KCNJ10: variants seen among roughly 807,000 people sequenced by gnomAD.
KCNJ10 encodes potassium inwardly rectifying channel subfamily J member 10, also known as ATP-sensitive inward rectifier potassium channel 10.
Under a neutral mutation model 22.2 loss-of-function variants are expected in KCNJ10, and 9 were observed. That is an observed-to-expected ratio of 0.40 (90% CI 0.24 to 0.71). KCNJ10 has a LOEUF of 0.71. Among genes scored for constraint, KCNJ10 ranks in the 30% least tolerant of loss-of-function variants. The probability of loss-of-function intolerance (pLI) is 0.35; values close to 1 mark genes in which losing one functional copy is unlikely to be tolerated. For synonymous variants in KCNJ10, 184 were observed against 187.3 expected (o/e 0.98, Z 0.15); for missense variants, 337 against 482.7 (o/e 0.70, Z 2.83).
At chr1:160,052,846 C>T (rs1648935486) in intron 1 of KCNJ10, among the ~76,000 whole-genome samples, 2 of 152,174 alleles carry the variant, frequency 1.3e-5, no homozygotes, top group Admixed American at 1.3e-4. Flanking sequence ...ACTAGTATGT[C>T]AGGAGGCACT....
At position 160,040,772 on chromosome 1, in the gene KCNJ10, T is replaced by C. The variant is rs1471577586; in HGVS notation, c.*621A>G. 3 of 398,674 alleles carry C rather than the reference T, an allele frequency of 7.5e-6. No homozygotes were observed. The highest frequency in any genetic ancestry group is 1.3e-5 in the Non-Finnish European group (3 of 226,044). The allele number at this position is 398,674 out of a possible 1,614,324, so 24.7% of individuals were successfully genotyped here. ...AACTGGGTATCCTGAGAGTGTTCAC[T>C]TGAGAAACTACAGAGGGAAAACAGT... On this transcript the variant is annotated 3_prime_UTR_variant, in exon 2 of 2. Coordinates refer to ENST00000644903, the MANE Select transcript of KCNJ10 (RefSeq NM_002241.5).
At chr1:160,043,074 G>A (rs983188770) in intron 1 of KCNJ10, among the ~76,000 whole-genome samples, 8 of 152,072 alleles carry the variant, frequency 5.3e-5, no homozygotes, top group African/African-American at 1.7e-4. Context: ...GTAATTCTTA[G>A]CGGAAGAGAG....
At position 160,041,344 on chromosome 1, in the gene KCNJ10, T is replaced by C. The variant is rs1054054995; in HGVS notation, c.*49A>G. On this transcript the variant is annotated 3_prime_UTR_variant, in exon 2 of 2. Transcript: ENST00000644903. This position sits in a 1 kb window ranked among gnomAD's most constrained non-coding sequence, Gnocchi z 4.4. ...CGGGTAGTATTCCTTACCAGGGCAT[T>C]GGAAGAGAGGAAAAGAGACCAGAGG... is the stretch of plus-strand genomic sequence containing the variant. The C allele has an allele frequency of 1.3e-6, 2 of 1,568,742 alleles. No homozygotes were observed. The highest frequency in any genetic ancestry group is 2.7e-5 in the African/African-American group (2 of 73,960).
intron 1 of KCNJ10, among the ~76,000 whole-genome samples, chr1:160,059,167 G>A (rs910077008): frequency 2.0e-5 from 3 of 152,200 alleles, no homozygotes; most frequent in African/African-American, 7.2e-5. Context: ...CTGCTCGTAA[G>A]GGGTGCACTG....
Position 160,038,723 on chromosome 1 carries a change from A to G in KCNJ10, c.*2670T>C, listed in dbSNP as rs1477987040. ...TTCTTTCTTCTTAGATAAACCTTTCATATATGTCATATCCTAATTTCCCAA... is the reference window on the plus strand; with the variant it reads ...TTCTTTCTTCTTAGATAAACCTTTCGTATATGTCATATCCTAATTTCCCAA... On this transcript the variant is annotated 3_prime_UTR_variant, in exon 2 of 2. Transcript: ENST00000644903. 1 of 152,056 alleles carries G rather than the reference A, an allele frequency of 6.6e-6. No homozygotes were observed. Among genetic ancestry groups the G allele is most frequent in the Admixed American group, 6.6e-5 (1 of 15,260 alleles). 9.4% of individuals were successfully genotyped at this position (152,056 alleles called of 1,614,324 possible). A position where few individuals can be genotyped will look rare whatever the true frequency, so the allele number is the denominator to read the frequency against.
At chr1:160,063,857 T>C (rs1649256680) in intron 1 of KCNJ10, among the ~76,000 whole-genome samples, 1 of 152,248 alleles carries the variant, frequency 6.6e-6, no homozygotes, top group South Asian at 2.1e-4. Context: ...CGGAATTTAA[T>C]GAGAGCTCAC....
At chr1:160,052,659 A>G (rs888407061) in intron 1 of KCNJ10, among the ~76,000 whole-genome samples, 1 of 152,216 alleles carries the variant, frequency 6.6e-6, no homozygotes, top group African/African-American at 2.4e-5. Context: ...ACTAAGAGAC[A>G]GCACTGCTTG....
At chr1:160,060,070 T>G (rs1473174896) in intron 1 of KCNJ10, among the ~76,000 whole-genome samples, 3 of 152,156 alleles carry the variant, frequency 2.0e-5, no homozygotes, top group African/African-American at 7.2e-5. Flanking sequence ...GTTCCCTGCA[T>G]GAAGAGCAGC....
At position 160,042,541 on chromosome 1, in the gene KCNJ10, A is replaced by T. The variant is rs1162354490; in HGVS notation, c.1-9T>A. 1 of 1,612,980 alleles carries T rather than the reference A, an allele frequency of 6.2e-7. No individual in the cohort carries two copies. Among genetic ancestry groups the T allele is most frequent in the Admixed American group, 1.7e-5 (1 of 60,008 alleles). On this transcript the variant is annotated splice_polypyrimidine_tract_variant and intron_variant, in intron 1 of 1. Transcript: ENST00000644903. ...TTGGCAACTGACGTCATCTGGAGGG[A>T]GCAAGACAGCATAATGGAGGTTATC...
chr1:160,065,780 G>A (rs1247016539), intron 1 of KCNJ10, among the ~76,000 whole-genome samples: 1 of 152,182 alleles, frequency 6.6e-6, no homozygotes, highest in African/African-American at 2.4e-5. Flanking sequence ...GCCAACAGAT[G>A]TGTCTGGGTA....
rs764007692 is a variant in KCNJ10, at chr1:160,045,334, A to G, written c.1-2802T>C. ...AAACTATAGAATGCTATGGCCATCA[A>G]TTGTGTGCCTGACAGAAAGCTGGGA... is the stretch of plus-strand genomic sequence containing the variant. On this transcript the variant is annotated intron_variant, in intron 1 of 1. Transcript: ENST00000644903. Among the ~76,000 whole-genome samples the G allele has an allele frequency of 3.3e-5, 5 of 152,322 alleles. No homozygotes were observed. The East Asian group carries it at 5.8e-4, about 18-fold the overall frequency.
intron 1 of KCNJ10, among the ~76,000 whole-genome samples, chr1:160,064,584 A>G (rs1452955377): frequency 6.6e-6 from 1 of 152,270 alleles, no homozygotes; most frequent in African/African-American, 2.4e-5. Flanking sequence ...GTTCATAGAT[A>G]GAACCCACAC....
chr1:160,058,042 C>T (rs983883084), intron 1 of KCNJ10, among the ~76,000 whole-genome samples: 28 of 152,182 alleles, frequency 1.8e-4, no homozygotes, highest in Admixed American at 1.8e-3. Flanking sequence ...TCCCCATCTT[C>T]CCAAACAGAG....
Position 160,041,481 on chromosome 1 carries a change from T to A in KCNJ10, c.1052A>T (p.Asp351Val). The change falls in exon 2 of 2, where the codon GAC becomes GTC. Residue 351 changes from aspartate (D) to valine (V), a missense_variant. Asp to Val is a radical substitution (Grantham distance 152, BLOSUM62 -3). Transcript: ENST00000644903. This position sits in a 1 kb window ranked among gnomAD's most constrained non-coding sequence, Gnocchi z 4.4. ...GLRDSTVRYG[D>V]PEKLKLEESL... ...CTCCTCCAACTTGAGCTTTTCAGGG[T>A]CTCCGTAGCGTACAGTGCTGTCACG... 1 of 1,614,098 alleles carries A rather than the reference T, an allele frequency of 6.2e-7. No homozygotes were observed. Among genetic ancestry groups the A allele is most frequent in the Non-Finnish European group, 8.5e-7 (1 of 1,179,992 alleles).
At chr1:160,064,336 G>A (rs906539922) in intron 1 of KCNJ10, among the ~76,000 whole-genome samples, 5 of 152,146 alleles carry the variant, frequency 3.3e-5, no homozygotes, top group Admixed American at 1.3e-4. Flanking sequence ...TTTCCAGAAG[G>A]TACATGACCT....
intron 1 of KCNJ10, among the ~76,000 whole-genome samples, chr1:160,045,857 AC>A (rs1648731359): frequency 6.6e-6 from 1 of 152,240 alleles, no homozygotes; most frequent in African/African-American, 2.4e-5. Flanking sequence ...AAAGGCTTGG[AC>A]TTGTCCTTTG....
At chr1:160,046,123 T>A (rs1385778183) in intron 1 of KCNJ10, among the ~76,000 whole-genome samples, 1 of 152,202 alleles carries the variant, frequency 6.6e-6, no homozygotes, top group Non-Finnish European at 1.5e-5. Context: ...CATTCAGGGA[T>A]CCTTTACTGA....
intron 1 of KCNJ10, among the ~76,000 whole-genome samples, chr1:160,063,826 G>A (rs951758851): frequency 6.6e-6 from 1 of 152,260 alleles, no homozygotes; most frequent in African/African-American, 2.4e-5. Context: ...ACAATGCGCA[G>A]TGGATTCAGG....
chr1:160,065,762 T>A (rs753417247), intron 1 of KCNJ10, among the ~76,000 whole-genome samples: 5 of 152,184 alleles, frequency 3.3e-5, no homozygotes, highest in Non-Finnish European at 7.3e-5. Flanking sequence ...GGGAAATTTT[T>A]ATCCAATGCC....
Sources: gnomAD v4.1 joint callset for allele counts (sites outside exome capture counted in the v4.1 genomes callset) on GRCh38, gnomAD v4.1.1 for gene constraint, Gnocchi (gnomAD v3.1) non-coding constraint, MANE v1.5 for transcripts, NCBI Gene and HGNC (gene_info 2026-07-23, HGNC 2026-07-21) for gene names.